ACSL3: variants seen among roughly 807,000 people sequenced by gnomAD.
ACSL3 encodes the protein acyl-CoA synthetase long chain family member 3, also known as fatty acid CoA ligase Acsl3.
Under a neutral mutation model 84.7 loss-of-function variants are expected in ACSL3, and 34 were observed. That is an observed-to-expected ratio of 0.40 (90% CI 0.31 to 0.53). ACSL3 has a LOEUF of 0.53. Ranked by LOEUF, ACSL3 falls within the 20% of genes least tolerant of loss-of-function variation. The pLI is 0.48. For missense variants in ACSL3, 680 were observed against 873.1 expected (o/e 0.78, Z 2.79); for synonymous variants, 315 against 299.4 (o/e 1.05, Z -0.54).
chr2:222,921,662 G>A (rs1696743631), intron 8 of ACSL3, among the ~76,000 whole-genome samples: 1 of 152,148 alleles, frequency 6.6e-6, no homozygotes, highest in Admixed American at 6.5e-5. Context: ...ACTTAAATTT[G>A]TATAGTTGTA....
chr2:222,874,802 T>C (rs899135713), intron 1 of ACSL3, among the ~76,000 whole-genome samples: 1 of 152,078 alleles, frequency 6.6e-6, no homozygotes, highest in Non-Finnish European at 1.5e-5. Context: ...GGAGAAAGAA[T>C]AGAAATTTTA....
At chr2:222,903,274 T>A (rs1696202903) in intron 3 of ACSL3, among the ~76,000 whole-genome samples, 1 of 152,212 alleles carries the variant, frequency 6.6e-6, no homozygotes, top group African/African-American at 2.4e-5. Flanking sequence ...CTTGAGTAGC[T>A]GGTACTACAA....
At chr2:222,929,081 A>T in intron 13 of ACSL3, 145 bp downstream of exon 13, 2 of 593,984 alleles carry the variant, frequency 3.4e-6, no homozygotes, top group Non-Finnish European at 6.0e-6. Context: ...CTCGAACTAT[A>T]TGAATGCATT....
chr2:222,939,298 A>T (rs993088938), intron 16 of ACSL3, among the ~76,000 whole-genome samples: 4 of 152,294 alleles, frequency 2.6e-5, no homozygotes, highest in East Asian at 1.9e-4. Flanking sequence ...TTCTAGAGCC[A>T]GCCATCTTAA....
chr2:222,867,719 T>C lies in ACSL3; in HGVS notation c.-207+6461T>C, dbSNP rs539684112. Among the ~76,000 whole-genome samples the C allele has an allele frequency of 6.6e-5, 10 of 152,320 alleles. No individual in the cohort carries two copies. In the East Asian group the frequency reaches 1.9e-3, roughly 29 times the overall value. ...TCTCTTGATAGACTTTTAGGCTGTTTCCATTTTTTTTGTTATTACAAACAT... is the reference window on the plus strand; with the variant it reads ...TCTCTTGATAGACTTTTAGGCTGTTCCCATTTTTTTTGTTATTACAAACAT... On this transcript the variant is annotated intron_variant, in intron 1 of 16. Coordinates refer to ENST00000357430, the MANE Select transcript of ACSL3 (RefSeq NM_004457.5).
At chr2:222,866,745 C>CCCCCT (rs1695154632) in intron 1 of ACSL3, among the ~76,000 whole-genome samples, 7 of 31,938 alleles carry the variant, frequency 2.2e-4, no homozygotes, top group African/African-American at 3.2e-4. Flanking sequence ...AACTGCCCTG[C>CCCCCT]CCCCCCCGCC....
rs1250608905 is a variant in ACSL3 at position 222,943,356 on chromosome 2, A to G, written c.*1702A>G. The stretch of plus-strand genomic sequence containing the variant: ...AGTAAAAATATTGAATGGAACTTCT[A>G]TATGAGGATGCTGTGATCTAAAAAT... On this transcript the variant is annotated 3_prime_UTR_variant, in exon 17 of 17. Transcript: ENST00000357430. 5.4e-6 allele frequency: 1 copy of G among 186,424 alleles called. No homozygotes were observed. Among genetic ancestry groups the G allele is most frequent in the Non-Finnish European group, 1.1e-5 (1 of 88,322 alleles). The allele number at this position is 186,424 out of a possible 1,614,324, so 11.5% of individuals were successfully genotyped here.
At chr2:222,938,807 C>A (rs1697234849) in intron 16 of ACSL3, among the ~76,000 whole-genome samples, 1 of 152,080 alleles carries the variant, frequency 6.6e-6, no homozygotes, top group African/African-American at 2.4e-5. Flanking sequence ...AGGTTCTCTT[C>A]ATTTTTACAT....
intron 16 of ACSL3, among the ~76,000 whole-genome samples, chr2:222,937,883 CTTTTG>C (rs1347298676): frequency 8.6e-5 from 13 of 151,682 alleles, no homozygotes; most frequent in African/African-American, 2.2e-4. Flanking sequence ...TTGCTGCCTT[CTTTTG>C]TTTTGTTGAT....
intron 16 of ACSL3, among the ~76,000 whole-genome samples, chr2:222,937,584 T>G (rs1054985912): frequency 4.6e-5 from 7 of 152,178 alleles, no homozygotes; most frequent in Non-Finnish European, 8.8e-5. Flanking sequence ...ATTGTGACAA[T>G]TTTTGTCTTA....
At chr2:222,925,262 C>T (rs553596196) in intron 11 of ACSL3, among the ~76,000 whole-genome samples, 2 of 151,256 alleles carry the variant, frequency 1.3e-5, no homozygotes, top group Non-Finnish European at 2.9e-5. Flanking sequence ...CTTGAACTCC[C>T]TCGGGAGGCA....
At chr2:222,906,448 C>G (rs570506038) in intron 3 of ACSL3, among the ~76,000 whole-genome samples, 1 of 152,264 alleles carries the variant, frequency 6.6e-6, no homozygotes, top group African/African-American at 2.4e-5. Context: ...CACTTGTGAT[C>G]CAGTTAAATT....
chr2:222,935,076 C>T (rs1444097833), intron 16 of ACSL3, among the ~76,000 whole-genome samples: 1 of 152,158 alleles, frequency 6.6e-6, no homozygotes, highest in Admixed American at 6.5e-5. Context: ...AGTTTCATAA[C>T]CATTTTTGGT....
rs1390574439 is a variant in ACSL3, at chr2:222,907,321, T to C, written c.-40-1412T>C. ...CTTCAGTTCTCTCATCTATCTACAC[T>C]TGCCTGGAATAGAATTTCTGCAACA... On this transcript the variant is annotated intron_variant, in intron 3 of 16. Transcript: ENST00000357430. Among the ~76,000 whole-genome samples the C allele has an allele frequency of 2.6e-5, 4 of 152,198 alleles. No homozygotes were observed. The East Asian group carries it at 7.7e-4, about 29-fold the overall frequency.
chr2:222,880,723 A>G (rs931215582), intron 1 of ACSL3, among the ~76,000 whole-genome samples: 2 of 151,632 alleles, frequency 1.3e-5, no homozygotes, highest in Admixed American at 6.6e-5. Flanking sequence ...CCAGCTACTC[A>G]GGAGGCTGAG....
intron 8 of ACSL3, 117 bp from the exon 9 acceptor site, chr2:222,922,591 C>T (rs772742172): frequency 8.7e-6 from 11 of 1,265,714 alleles, no homozygotes; most frequent in Non-Finnish European, 1.1e-5. Flanking sequence ...ACACACTTGA[C>T]CAGCAAATTG....
In ACSL3 at chr2:222,922,711, G is replaced by A. The variant is rs1696772924; in HGVS notation, c.960G>A (p.Glu320=). 2 of 1,613,918 alleles carry A rather than the reference G, an allele frequency of 1.2e-6. No homozygotes were observed. Among genetic ancestry groups the A allele is most frequent in the Non-Finnish European group, 8.5e-7 (1 of 1,179,898 alleles). ...GMAERIPELG[E]EDVYIGYLPL... is the part of the protein sequence containing the mutation. ...TGACGTCTCCCTTTTCTTTTAGAGA[G>A]GAAGATGTCTACATTGGATATTTGC... is the stretch of plus-strand genomic sequence containing the variant. The change falls in exon 9 of 17, where the codon GAG becomes GAA. Residue 320 remains glutamate, a synonymous_variant. Coordinates refer to ENST00000357430, the MANE Select transcript of ACSL3 (RefSeq NM_004457.5).
rs116595453 is a variant in ACSL3, at chr2:222,893,639, C to T, written c.-148+5751C>T. 7.4e-3 allele frequency among the ~76,000 whole-genome samples: 1,127 copies of T among 152,178 alleles called. 22 individuals carry two copies. The highest frequency in any genetic ancestry group is 0.025 in the African/African-American group (1,049 of 41,494). Reference sequence around the variant, plus strand: ...TTCCTGTTTTTCTCTTAGGAAAACACGTCATCTCTGATAGAAGATTTTCTT... The same window carrying T: ...TTCCTGTTTTTCTCTTAGGAAAACATGTCATCTCTGATAGAAGATTTTCTT... On this transcript the variant is annotated intron_variant, in intron 2 of 16. Transcript: ENST00000357430.
At chr2:222,907,241 A>G (rs1249041756) in intron 3 of ACSL3, among the ~76,000 whole-genome samples, 6 of 152,202 alleles carry the variant, frequency 3.9e-5, no homozygotes, top group Non-Finnish European at 8.8e-5. Flanking sequence ...GGCCTGATGC[A>G]TCTGGGGTAG....
Sources: gnomAD v4.1 joint callset for allele counts (sites outside exome capture counted in the v4.1 genomes callset) on GRCh38, gnomAD v4.1.1 for gene constraint, MANE v1.5 for transcripts, NCBI Gene and HGNC (gene_info 2026-07-23, HGNC 2026-07-21) for gene names.